The following KCND2 variants were observed in gnomAD, a reference collection of about 807,000 sequenced individuals.
KCND2 encodes A-type voltage-gated potassium channel KCND2.
A neutral mutation model predicts 54.4 loss-of-function variants in KCND2; 16 were observed. That is an observed-to-expected ratio of 0.29 (90% CI 0.20 to 0.45). The LOEUF is 0.45. Ranked by LOEUF, KCND2 falls within the 20% of genes least tolerant of loss-of-function variation. The pLI, the probability that KCND2 is intolerant of heterozygous loss-of-function variation, is 1.00. For missense variants in KCND2, 486 were observed against 824.2 expected (o/e 0.59, Z 5.02); for synonymous variants, 317 against 310.7 (o/e 1.02, Z -0.21).
chr7:120,523,823 A>G (rs1791734128), intron 1 of KCND2, among the ~76,000 whole-genome samples: 1 of 150,388 alleles, frequency 6.6e-6, no homozygotes, highest in Non-Finnish European at 1.5e-5. Context: ...TTATATATAT[A>G]TATTCAGCAA....
At chr7:120,531,818 T>C (rs1258250772) in intron 1 of KCND2, among the ~76,000 whole-genome samples, 1 of 152,196 alleles carries the variant, frequency 6.6e-6, no homozygotes, top group African/African-American at 2.4e-5. Context: ...TTGTTTGATT[T>C]GTTTGCATAT....
At chr7:120,578,851 T>C (rs1207445293) in intron 1 of KCND2, among the ~76,000 whole-genome samples, 2 of 151,168 alleles carry the variant, frequency 1.3e-5, no homozygotes, top group East Asian at 3.9e-4. Flanking sequence ...AGCGACAGGG[T>C]GAGACTGAGC....
At chr7:120,620,432 C>G (rs1793083708) in intron 1 of KCND2, among the ~76,000 whole-genome samples, 2 of 151,978 alleles carry the variant, frequency 1.3e-5, no homozygotes, top group Admixed American at 6.6e-5. Flanking sequence ...AGAAACAAAA[C>G]TAAATCAAAA....
At chr7:120,666,067 A>G (rs1273920506) in intron 1 of KCND2, among the ~76,000 whole-genome samples, 2 of 152,052 alleles carry the variant, frequency 1.3e-5, no homozygotes, top group African/African-American at 4.8e-5. Flanking sequence ...AATTTAAAGG[A>G]CTTTATTTTG....
Position 120,274,527 on chromosome 7 carries a change from T to G in KCND2, c.-106T>G. ...TAAGAGTTACACCTCTGGACCACGT[T>G]TCTCACTAGTACTTTGCTTGACTGG... On this transcript the variant is annotated 5_prime_UTR_variant, in exon 1 of 6. Transcript: ENST00000331113. 7.8e-7 allele frequency: 1 copy of G among 1,287,980 alleles called. No homozygotes were observed. The highest frequency in any genetic ancestry group is 1.1e-6 in the Non-Finnish European group (1 of 885,280). 79.8% of individuals were successfully genotyped at this position (1,287,980 alleles called of 1,614,324 possible).
At chr7:120,366,480 T>A (rs1248903847) in intron 1 of KCND2, among the ~76,000 whole-genome samples, 3 of 108,430 alleles carry the variant, frequency 2.8e-5, no homozygotes, top group Admixed American at 2.6e-4. Flanking sequence ...AGAGCAAGAC[T>A]CCATTAAAAA....
intron 1 of KCND2, among the ~76,000 whole-genome samples, chr7:120,508,795 A>G (rs796073410): frequency 2.6e-5 from 4 of 151,882 alleles, no homozygotes; most frequent in South Asian, 2.1e-4. Context: ...TTCTGCCAAC[A>G]TTGTGGCATC....
At chr7:120,346,623 CTTTAA>C (rs1800321148) in intron 1 of KCND2, among the ~76,000 whole-genome samples, 1 of 151,988 alleles carries the variant, frequency 6.6e-6, no homozygotes, top group Non-Finnish European at 1.5e-5. Flanking sequence ...TTAGTAGTCT[CTTTAA>C]TTTGTTTTGC....
At chr7:120,419,399 A>G (rs1421416826) in intron 1 of KCND2, among the ~76,000 whole-genome samples, 1 of 152,236 alleles carries the variant, frequency 6.6e-6, no homozygotes, top group African/African-American at 2.4e-5. Flanking sequence ...TCTATGACTT[A>G]TATGAAATCT....
At chr7:120,320,335 G>T (rs1584728602) in intron 1 of KCND2, among the ~76,000 whole-genome samples, 1 of 152,138 alleles carries the variant, frequency 6.6e-6, no homozygotes, top group African/African-American at 2.4e-5. Context: ...CTAGTATAAT[G>T]GATGTGACCC....
intron 1 of KCND2, among the ~76,000 whole-genome samples, chr7:120,385,123 C>G (rs1169795740): frequency 6.7e-6 from 1 of 150,310 alleles, no homozygotes; most frequent in East Asian, 2.0e-4. Context: ...CATCCCACCT[C>G]AGCCTCCCAA....
At chr7:120,497,504 A>G (rs191187797) in intron 1 of KCND2, among the ~76,000 whole-genome samples, 1 of 152,344 alleles carries the variant, frequency 6.6e-6, no homozygotes, top group East Asian at 1.9e-4. Context: ...CTTTCAAATG[A>G]TAGAGATTTA....
At chr7:120,673,603 C>T (rs1373075501) in intron 1 of KCND2, among the ~76,000 whole-genome samples, 2 of 152,142 alleles carry the variant, frequency 1.3e-5, no homozygotes, top group Non-Finnish European at 2.9e-5. Flanking sequence ...AACCTCCTTG[C>T]TGGTTTCCCA....
At chr7:120,348,136 C>T (rs1226013663) in intron 1 of KCND2, among the ~76,000 whole-genome samples, 3 of 152,264 alleles carry the variant, frequency 2.0e-5, no homozygotes, top group Middle Eastern at 3.4e-3. Context: ...ACATTCAGTC[C>T]ATTGCAGATA....
At chr7:120,703,617 T>C (rs550327322) in intron 1 of KCND2, among the ~76,000 whole-genome samples, 2 of 152,044 alleles carry the variant, frequency 1.3e-5, no homozygotes, top group African/African-American at 4.8e-5. Context: ...AGAACCTGAA[T>C]TGGGGCCCTA....
chr7:120,606,648 C>G (rs562379340), intron 1 of KCND2, among the ~76,000 whole-genome samples: 1 of 152,026 alleles, frequency 6.6e-6, no homozygotes, highest in Non-Finnish European at 1.5e-5. Flanking sequence ...TTTGTCTTGG[C>G]AGCTGTGTCA....
At chr7:120,526,932 C>T (rs1471193372) in intron 1 of KCND2, among the ~76,000 whole-genome samples, 1 of 151,952 alleles carries the variant, frequency 6.6e-6, no homozygotes, top group African/African-American at 2.4e-5. Flanking sequence ...TTCCTTATAA[C>T]TGGAATGACA....
At chr7:120,367,642 T>C (rs962970242) in intron 1 of KCND2, among the ~76,000 whole-genome samples, 4 of 141,128 alleles carry the variant, frequency 2.8e-5, no homozygotes, top group Non-Finnish European at 4.7e-5. Context: ...TTTCTTTTTC[T>C]TTTTTTTTTT....
intron 1 of KCND2, among the ~76,000 whole-genome samples, chr7:120,647,234 C>T (rs1793453035): frequency 6.6e-6 from 1 of 152,074 alleles, no homozygotes; most frequent in African/African-American, 2.4e-5. Context: ...ATCATATTAA[C>T]CTTCAGCGCA....
Sources: gnomAD v4.1 joint callset for allele counts (sites outside exome capture counted in the v4.1 genomes callset) on GRCh38, gnomAD v4.1.1 for gene constraint, MANE v1.5 for transcripts, NCBI Gene and HGNC (gene_info 2026-07-23, HGNC 2026-07-21) for gene names.